The following OSBPL8 variants were observed in gnomAD, a reference collection of about 807,000 sequenced individuals.
OSBPL8 encodes the protein oxysterol binding protein like 8, also known as oxysterol-binding protein-related protein 8.
A neutral mutation model predicts 125.5 loss-of-function variants in OSBPL8; 59 were observed. The ratio of observed to expected loss-of-function variants is 0.47; its 90% CI spans 0.38 to 0.58. The LOEUF (loss-of-function observed/expected upper bound fraction) is 0.58, where lower values mean the gene tolerates loss of function less well. Among genes scored for constraint, OSBPL8 ranks in the 20% least tolerant of loss-of-function variants. The pLI, the probability that OSBPL8 is intolerant of heterozygous loss-of-function variation, is 0.00. For missense variants in OSBPL8, 758 were observed against 1,047.8 expected (o/e 0.72, Z 3.82); for synonymous variants, 330 against 338.9 (o/e 0.97, Z 0.29).
intron 1 of OSBPL8, among the ~76,000 whole-genome samples, chr12:76,555,619 C>T (rs985466624): frequency 6.6e-6 from 1 of 152,206 alleles, no homozygotes; most frequent in Non-Finnish European, 1.5e-5. Context: ...TGCACTTTCA[C>T]ATGCATTATA....
chr12:76,472,392 G>A (rs539388176), intron 2 of OSBPL8, among the ~76,000 whole-genome samples: 17 of 152,292 alleles, frequency 1.1e-4, no homozygotes, highest in African/African-American at 3.1e-4. Context: ...CCACAGGGTC[G>A]GTGGGTTTTT....
chr12:76,375,428 C>T (rs1460033942), intron 16 of OSBPL8, 58 bp from the exon 17 acceptor site: 5 of 1,175,910 alleles, frequency 4.3e-6, no homozygotes, highest in Non-Finnish European at 6.3e-6. Flanking sequence ...ATATGGCTCA[C>T]GATAAACAGT....
At chr12:76,373,258 C>T (rs1316333488) in intron 18 of OSBPL8, 86 bp downstream of exon 18, 3 of 837,260 alleles carry the variant, frequency 3.6e-6, no homozygotes, top group South Asian at 2.1e-5. Context: ...TTTTCAGCAA[C>T]GGAATAAGTT....
At chr12:76,441,430 A>G (rs1358705966) in intron 4 of OSBPL8, among the ~76,000 whole-genome samples, 1 of 152,170 alleles carries the variant, frequency 6.6e-6, no homozygotes, top group Non-Finnish European at 1.5e-5. Context: ...TAACAATTCT[A>G]CTGATATTAC....
At chr12:76,540,122 T>C (rs1020108307) in intron 1 of OSBPL8, among the ~76,000 whole-genome samples, 1 of 152,208 alleles carries the variant, frequency 6.6e-6, no homozygotes, top group African/African-American at 2.4e-5. Flanking sequence ...CACAGCTAGA[T>C]TGAGATCATT....
intron 1 of OSBPL8, among the ~76,000 whole-genome samples, chr12:76,489,493 A>C (rs1295506495): frequency 6.6e-6 from 1 of 152,208 alleles, no homozygotes. Context: ...GGGCCCTTTC[A>C]AGAATTATGC....
chr12:76,556,636 A>G (rs1043207370), intron 1 of OSBPL8, among the ~76,000 whole-genome samples: 2 of 152,048 alleles, frequency 1.3e-5, no homozygotes, highest in African/African-American at 4.8e-5. Flanking sequence ...ACCTTCACTA[A>G]AAATTGTATA....
chr12:76,367,256 G>GTGTGTA (rs1952455942), intron 21 of OSBPL8, among the ~76,000 whole-genome samples: 1 of 151,670 alleles, frequency 6.6e-6, no homozygotes, highest in South Asian at 2.1e-4. Flanking sequence ...GTGTGTGTGT[G>GTGTGTA]TATGAATTGA....
At chr12:76,413,077 C>A (rs964493900) in intron 4 of OSBPL8, among the ~76,000 whole-genome samples, 7 of 152,022 alleles carry the variant, frequency 4.6e-5, no homozygotes, top group African/African-American at 1.7e-4. Flanking sequence ...ATAAATTAAT[C>A]AAAAATTTAA....
intron 4 of OSBPL8, among the ~76,000 whole-genome samples, chr12:76,420,872 T>G (rs966223364): frequency 1.3e-5 from 2 of 152,040 alleles, no homozygotes; most frequent in African/African-American, 4.8e-5. Flanking sequence ...CACAGCTGGT[T>G]GTATTAAGGA....
intron 3 of OSBPL8, among the ~76,000 whole-genome samples, chr12:76,457,263 G>T (rs760390248): frequency 9.2e-5 from 14 of 152,108 alleles, no homozygotes; most frequent in African/African-American, 1.7e-4. Flanking sequence ...ATGTAGTTAC[G>T]ATTTAATATT....
At chr12:76,437,413 T>C (rs1421490339) in intron 4 of OSBPL8, among the ~76,000 whole-genome samples, 1 of 152,230 alleles carries the variant, frequency 6.6e-6, no homozygotes, top group Non-Finnish European at 1.5e-5. Context: ...TTGAGCATCA[T>C]TTCACATTTA....
intron 3 of OSBPL8, among the ~76,000 whole-genome samples, chr12:76,452,730 C>T (rs1176171301): frequency 6.6e-6 from 1 of 152,186 alleles, no homozygotes; most frequent in Non-Finnish European, 1.5e-5. Context: ...GCTACTTGTT[C>T]CAACCTCATT....
intron 3 of OSBPL8, among the ~76,000 whole-genome samples, chr12:76,459,021 T>C (rs541619797): frequency 1.3e-5 from 2 of 152,316 alleles, no homozygotes; most frequent in Admixed American, 6.5e-5. Context: ...ATTTTAACTG[T>C]TTAGTTACAC....
intron 4 of OSBPL8, among the ~76,000 whole-genome samples, chr12:76,445,066 C>A (rs1018240986): frequency 3.9e-5 from 6 of 152,260 alleles, no homozygotes; most frequent in Admixed American, 6.5e-5. Context: ...CTGAACCCAT[C>A]ATAATCTCAC....
At chr12:76,521,899 C>A (rs939870260) in intron 1 of OSBPL8, among the ~76,000 whole-genome samples, 2 of 152,050 alleles carry the variant, frequency 1.3e-5, no homozygotes, top group Non-Finnish European at 2.9e-5. Context: ...TATAAATGTA[C>A]ACAATACCAA....
chr12:76,466,684 C>T (rs866928900), intron 2 of OSBPL8, among the ~76,000 whole-genome samples: 13 of 152,148 alleles, frequency 8.5e-5, no homozygotes, highest in Middle Eastern at 3.4e-3. Context: ...CCAGGCTGGG[C>T]GCGGTGGCTC....
At chr12:76,404,640 C>A (rs1360944385) in intron 5 of OSBPL8, among the ~76,000 whole-genome samples, 1 of 152,184 alleles carries the variant, frequency 6.6e-6, no homozygotes, top group Non-Finnish European at 1.5e-5. Flanking sequence ...TGATGATCCA[C>A]TTCCACTTAA....
chr12:76,392,101 C>T (rs1953585634), intron 10 of OSBPL8, among the ~76,000 whole-genome samples: 1 of 151,714 alleles, frequency 6.6e-6, no homozygotes, highest in Non-Finnish European at 1.5e-5. Context: ...GGATACAGTT[C>T]CATTCCAAAC....
Sources: allele counts gnomAD v4.1 joint callset (sites outside exome capture counted in the v4.1 genomes callset), GRCh38; gene constraint gnomAD v4.1.1; transcripts MANE v1.5; gene names NCBI Gene and HGNC (gene_info 2026-07-23, HGNC 2026-07-21).